Variants in YLPM1 observed in about 807,000 individuals in gnomAD.
YLPM1 encodes YLP motif-containing protein 1.
Under a neutral mutation model 230.0 loss-of-function variants are expected in YLPM1, and 99 were observed. That is an observed-to-expected ratio of 0.43 (90% CI 0.37 to 0.51). The LOEUF (loss-of-function observed/expected upper bound fraction) is 0.51, where lower values mean the gene tolerates loss of function less well. Among genes scored for constraint, YLPM1 ranks in the 20% least tolerant of loss-of-function variants. YLPM1 has a pLI of 0.00. For missense variants in YLPM1, 2,592 were observed against 2,707.7 expected, an observed-to-expected ratio of 0.96 and a Z score of 0.95; for synonymous variants, 984 against 942.5, an observed-to-expected ratio of 1.04 and a Z score of -0.81.
At chr14:74,824,092 G>C in intron 17 of YLPM1, 164 bp from the exon 18 acceptor site, 1 of 650,108 alleles carries the variant, frequency 1.5e-6, no homozygotes, top group Non-Finnish European at 2.6e-6. Flanking sequence ...TGGTCATTTA[G>C]TTTCTTCAAA....
At chr14:74,829,118 C>G (rs1288660715) in intron 18 of YLPM1, 95 bp from the exon 19 acceptor site, 12 of 1,489,738 alleles carry the variant, frequency 8.1e-6, no homozygotes, top group Non-Finnish European at 1.8e-6. Flanking sequence ...TGGATATGCC[C>G]TCTGAAAGCG....
rs1469080522 is a variant in YLPM1 at position 74,823,904 on chromosome 14, T to TA, written c.6112-351dup. The TA allele has an allele frequency of 4.6e-5, 8 of 172,074 alleles. No individual in the cohort carries two copies. The Admixed American group carries it at 5.0e-4, about 11-fold the overall frequency. 10.7% of individuals were successfully genotyped at this position (172,074 alleles called of 1,614,324 possible). A position where few individuals can be genotyped will look rare whatever the true frequency, so the allele number is the denominator to read the frequency against. ...CTAGCTAGTATTACAAATTCTCTGA[T>TA]ACTCTGAGTAATATTAATATTAGCA... On this transcript the variant is annotated intron_variant, in intron 17 of 20. Coordinates refer to ENST00000325680, the MANE Select transcript of YLPM1 (RefSeq NM_019589.3).
intron 18 of YLPM1, among the ~76,000 whole-genome samples, chr14:74,826,622 T>A (rs2091564831): frequency 6.6e-6 from 1 of 152,194 alleles, no homozygotes; most frequent in Non-Finnish European, 1.5e-5. Context: ...CTATGCTCAT[T>A]AAGTTTAGTA....
chr14:74,833,786 A>C (rs2091624739), intron 19 of YLPM1, among the ~76,000 whole-genome samples: 1 of 152,170 alleles, frequency 6.6e-6, no homozygotes, highest in South Asian at 2.1e-4. Context: ...ATACTGTTAA[A>C]AGCCTAGTTA....
intron 6 of YLPM1, among the ~76,000 whole-genome samples, chr14:74,803,589 C>T (rs2091349195): frequency 6.6e-6 from 1 of 152,222 alleles, no homozygotes. Context: ...ATCTACCTGT[C>T]TGCAGGGTTT....
At chr14:74,825,551 G>A (rs1310313729) in intron 18 of YLPM1, among the ~76,000 whole-genome samples, 3 of 151,958 alleles carry the variant, frequency 2.0e-5, no homozygotes, top group Non-Finnish European at 4.4e-5. Context: ...TAAATATGTA[G>A]GAAAATAAAA....
intron 3 of YLPM1, 107 bp downstream of exon 3, chr14:74,780,691 A>G: frequency 6.8e-7 from 1 of 1,475,172 alleles, no homozygotes; most frequent in Non-Finnish European, 9.0e-7. Context: ...AACTGTTGAC[A>G]ATTAGTTGTT....
intron 19 of YLPM1, among the ~76,000 whole-genome samples, chr14:74,833,620 A>G (rs531427711): frequency 6.6e-6 from 1 of 152,322 alleles, no homozygotes; most frequent in Non-Finnish European, 1.5e-5. Flanking sequence ...ATTTTTCTAT[A>G]TTGAAGCCCA....
Position 74,799,558 on chromosome 14 carries a change from CCCT to C in YLPM1, c.4266_4268del (p.Ser1423del). ...ACATTCCCCCATGGCGGAACATATG[CCCT>C]CCTCACATCATTCCTCAGAAATGAT... is the stretch of plus-strand genomic sequence containing the variant. On this transcript the variant is annotated inframe_deletion, in exon 5 of 21. Transcript: ENST00000325680. 3 of 1,613,906 alleles carry C rather than the reference CCCT, an allele frequency of 1.9e-6. No individual in the cohort carries two copies. Among genetic ancestry groups the C allele is most frequent in the Non-Finnish European group, 2.5e-6 (3 of 1,179,888 alleles).
At chr14:74,765,850 C>A (rs2140064518) in intron 1 of YLPM1, among the ~76,000 whole-genome samples, 1 of 152,240 alleles carries the variant, frequency 6.6e-6, no homozygotes, top group East Asian at 1.9e-4. Flanking sequence ...CTTGAATATT[C>A]AGTGCCTGCA....
At chr14:74,823,513 A>AGCCACCCAGTTATTTTATGAAATAT (rs2091539469) in intron 17 of YLPM1, among the ~76,000 whole-genome samples, 1 of 152,156 alleles carries the variant, frequency 6.6e-6, no homozygotes, top group Admixed American at 6.6e-5. Context: ...CTTTGAAATA[A>AGCCACCCAGTTATTTTATGAAATAT]GCCACCCAGT....
chr14:74,767,632 C>G (rs1172019749), intron 1 of YLPM1, among the ~76,000 whole-genome samples: 1 of 152,182 alleles, frequency 6.6e-6, no homozygotes, highest in Admixed American at 6.5e-5. Context: ...CCAAGTATCC[C>G]CTGGAGACAA....
intron 4 of YLPM1, among the ~76,000 whole-genome samples, chr14:74,784,237 G>A (rs1214476780): frequency 6.6e-6 from 1 of 152,182 alleles, no homozygotes; most frequent in Non-Finnish European, 1.5e-5. Context: ...AATCTTGGCT[G>A]TGTGAATTTA....
intron 4 of YLPM1, among the ~76,000 whole-genome samples, chr14:74,787,998 G>A (rs1002743471): frequency 6.6e-6 from 1 of 151,928 alleles, no homozygotes; most frequent in Admixed American, 6.6e-5. Context: ...CGGAGTGAGA[G>A]TCTGTCTCAA....
At chr14:74,815,122 A>G (rs1240716441) in intron 11 of YLPM1, among the ~76,000 whole-genome samples, 1 of 151,924 alleles carries the variant, frequency 6.6e-6, no homozygotes, top group African/African-American at 2.4e-5. Context: ...CTGGGGTTGC[A>G]CTCCTGGGCT....
intron 6 of YLPM1, among the ~76,000 whole-genome samples, chr14:74,806,608 GA>G (rs934819151): frequency 3.3e-5 from 5 of 151,590 alleles, no homozygotes; most frequent in Admixed American, 2.0e-4. Context: ...ATAAATAAAT[GA>G]AAAAAAATAA....
In YLPM1 at chr14:74,810,538, A is replaced by G. The variant is rs2091424467; in HGVS notation, c.5228+118A>G. The G allele has an allele frequency of 2.8e-6, 3 of 1,084,632 alleles. No homozygotes were observed. The South Asian group carries it at 5.1e-5, about 18-fold the overall frequency. The allele number at this position is 1,084,632 out of a possible 1,614,324, so 67.2% of individuals were successfully genotyped here. ...TCATGCATGTGTATATGTAATTTGG[A>G]GGGGGAAGAACAATTCTGGACCAGT... is the stretch of plus-strand genomic sequence containing the variant. On this transcript the variant is annotated intron_variant, in intron 9 of 20. Coordinates refer to ENST00000325680, the MANE Select transcript of YLPM1 (RefSeq NM_019589.3).
chr14:74,835,180 TACCCCTTAG>T, intron 19 of YLPM1, 76 bp from the exon 20 acceptor site: 1 of 1,498,556 alleles, frequency 6.7e-7, no homozygotes, highest in Non-Finnish European at 9.0e-7. Context: ...TGAGTCATTC[TACCCCTTAG>T]ACTGTCCAGA....
chr14:74,782,444 A>G, intron 4 of YLPM1, 119 bp downstream of exon 4: 1 of 1,192,680 alleles, frequency 8.4e-7, no homozygotes, highest in Non-Finnish European at 1.1e-6. Flanking sequence ...CTTTGTACTT[A>G]TATTGTCTGC....
Sources: allele counts gnomAD v4.1 joint callset (sites outside exome capture counted in the v4.1 genomes callset), GRCh38; gene constraint gnomAD v4.1.1; transcripts MANE v1.5; gene names NCBI Gene and HGNC (gene_info 2026-07-23, HGNC 2026-07-21).